The following SIM2 variants were observed in gnomAD, a reference collection of about 807,000 sequenced individuals.
SIM2 encodes single-minded homolog 2.
A neutral mutation model predicts 64.8 loss-of-function variants in SIM2; 28 were observed. The observed-to-expected ratio is 0.43, with a 90% CI of 0.32 to 0.59. The LOEUF (loss-of-function observed/expected upper bound fraction) is 0.59. SIM2 is among the 20% of genes least tolerant of loss of function. SIM2 has a pLI of 0.07. For missense variants in SIM2, 847 were observed against 871.4 expected (o/e 0.97, Z 0.35); for synonymous variants, 408 against 391.1 (o/e 1.04, Z -0.51).
Position 36,726,366 on chromosome 21 carries a change from G to C in SIM2, c.743+48G>C, listed in dbSNP as rs765379633. ...TGGCTGTGGCCTTCTGGAAGACACC[G>C]GTGGTGGAAATGGGTCCCTGAAAGC... On this transcript the variant is annotated intron_variant, in intron 6 of 10. Coordinates refer to ENST00000290399, the MANE Select transcript of SIM2 (RefSeq NM_005069.6). This position sits in a 1 kb window ranked among gnomAD's most constrained non-coding sequence, Gnocchi z 4.5. 2.6e-6 allele frequency: 4 copies of C among 1,543,948 alleles called. No homozygotes were observed. Among genetic ancestry groups the C allele is most frequent in the Non-Finnish European group, 3.5e-6 (4 of 1,130,604 alleles).
chr21:36,749,533 T>C lies in SIM2; in HGVS notation c.*1441T>C, dbSNP rs2089303516. 6.6e-6 allele frequency: 1 copy of C among 151,002 alleles called. No individual in the cohort carries two copies. The highest frequency in any genetic ancestry group is 1.5e-5 in the Non-Finnish European group (1 of 67,884). 9.4% of individuals were successfully genotyped at this position (151,002 alleles called of 1,614,324 possible). A position where few individuals can be genotyped will look rare whatever the true frequency, so the allele number is the denominator to read the frequency against. On this transcript the variant is annotated 3_prime_UTR_variant, in exon 11 of 11. Transcript: ENST00000290399. ...ACAGGGTGTCTGTCAGTGGGCCTCA[T>C]GGTAAGAGTCACAATTTGCAAATTT...
At position 36,747,678 on chromosome 21, in the gene SIM2, C is replaced by T. The variant is rs571869194; in HGVS notation, c.1590C>T (p.Ala530=). The change falls in exon 11 of 11, where the codon GCC becomes GCT. Residue 530 remains alanine (A), a synonymous_variant. Transcript: ENST00000290399. This position sits in a 1 kb window ranked among gnomAD's most constrained non-coding sequence, Gnocchi z 4.5. ...LVPSYEAPAA[A]VRRFGEDTAP... is the part of the protein sequence containing the mutation. ...CTGTCCCCGCAGCGCCCGCCGCCGC[C>T]GTGCGCAGGTTCGGCGAGGACACCG... is the stretch of plus-strand genomic sequence containing the variant. The T allele has an allele frequency of 7.9e-7, 1 of 1,265,810 alleles. No individual in the cohort carries two copies. The highest frequency in any genetic ancestry group is 2.7e-5 in the South Asian group (1 of 37,298). 78.4% of individuals were successfully genotyped at this position (1,265,810 alleles called of 1,614,324 possible).
At chr21:36,734,542 T>C (rs573794941) in intron 7 of SIM2, among the ~76,000 whole-genome samples, 3 of 151,402 alleles carry the variant, frequency 2.0e-5, no homozygotes, top group African/African-American at 7.3e-5. Context: ...GGTGGGTTGG[T>C]GTGGTCTTGG....
rs112084443 is a variant in SIM2, at chr21:36,727,101, G to A, written c.743+783G>A. On this transcript the variant is annotated intron_variant, in intron 6 of 10. Coordinates refer to ENST00000290399, the MANE Select transcript of SIM2 (RefSeq NM_005069.6). ...TGCCCAGGCTGGAATGCAATGGTGC[G>A]ATCTCAGCTCACTGCAACCTCTGCC... Among the ~76,000 whole-genome samples the A allele has an allele frequency of 1.3e-3, 198 of 152,218 alleles. 2 individuals are homozygous for A. Among genetic ancestry groups the A allele is most frequent in the South Asian group, 3.7e-3 (18 of 4,814 alleles).
chr21:36,709,523 CCT>C (rs1388201932), intron 2 of SIM2: 13 of 614,300 alleles, frequency 2.1e-5, no homozygotes, highest in Non-Finnish European at 3.9e-5. Context: ...GCCAGGGGCG[CCT>C]CCCGAGCGTG....
At chr21:36,701,031 G>A (rs1362469405) in intron 1 of SIM2, among the ~76,000 whole-genome samples, 1 of 152,214 alleles carries the variant, frequency 6.6e-6, no homozygotes, top group Non-Finnish European at 1.5e-5. Context: ...CAAGCGTTCC[G>A]GGCCGCGTCT....
chr21:36,722,579 AAGTG>A (rs2123456632), intron 4 of SIM2, among the ~76,000 whole-genome samples: 1 of 152,290 alleles, frequency 6.6e-6, no homozygotes, highest in East Asian at 1.9e-4. Flanking sequence ...TGCAAAAGCA[AAGTG>A]AGTGAGTGGG....
intron 6 of SIM2, among the ~76,000 whole-genome samples, chr21:36,727,217 T>C (rs550639967): frequency 6.6e-6 from 1 of 152,144 alleles, no homozygotes; most frequent in Non-Finnish European, 1.5e-5. Flanking sequence ...GTATTTTTAG[T>C]AGAGATGCGG....
intron 7 of SIM2, among the ~76,000 whole-genome samples, chr21:36,738,500 C>T (rs1019363945): frequency 5.9e-5 from 9 of 152,172 alleles, no homozygotes; most frequent in South Asian, 4.2e-4. Context: ...GCCAAGACTC[C>T]GTCTCCAAAA....
Position 36,745,352 on chromosome 21 carries a change from T to G in SIM2, c.1576+216T>G. 2.1e-6 allele frequency: 3 copies of G among 1,428,114 alleles called. No homozygotes were observed. The highest frequency in any genetic ancestry group is 2.8e-6 in the Non-Finnish European group (3 of 1,084,710). The allele number at this position is 1,428,114 out of a possible 1,614,324, so 88.5% of individuals were successfully genotyped here. On this transcript the variant is annotated intron_variant, in intron 10 of 10. Coordinates refer to ENST00000290399, the MANE Select transcript of SIM2 (RefSeq NM_005069.6). This position sits in a 1 kb window ranked among gnomAD's most constrained non-coding sequence, Gnocchi z 4.8. ...GGCAGTCTGCCTGCCTCGGGGACAC[T>G]AGTGACAGTATAAAGGGCAAAGGAA...
rs1291791918 is a variant in SIM2, at chr21:36,748,227, C to A, written c.*135C>A. 2 of 433,020 alleles carry A rather than the reference C, an allele frequency of 4.6e-6. No individual in the cohort carries two copies. The highest frequency in any genetic ancestry group is 5.9e-5 in the Admixed American group (1 of 16,828). 26.8% of individuals were successfully genotyped at this position (433,020 alleles called of 1,614,324 possible). ...TGAATTGGACCCCGCCGCCGACTTG[C>A]GGATTTCCACCGCGGAGGCCCCGCG... On this transcript the variant is annotated 3_prime_UTR_variant, in exon 11 of 11. Coordinates refer to ENST00000290399, the MANE Select transcript of SIM2 (RefSeq NM_005069.6).
intron 7 of SIM2, among the ~76,000 whole-genome samples, chr21:36,733,807 C>T (rs898454119): frequency 8.6e-5 from 13 of 152,010 alleles, no homozygotes; most frequent in East Asian, 5.8e-4. Context: ...GTGATCCGCC[C>T]GCCTCGGCCT....
intron 1 of SIM2, among the ~76,000 whole-genome samples, chr21:36,705,517 C>T (rs993128255): frequency 6.6e-6 from 1 of 152,172 alleles, no homozygotes; most frequent in South Asian, 2.1e-4. Flanking sequence ...GATGGCAGCC[C>T]GGCAAACACT....
chr21:36,707,659 G>A (rs1373174417), intron 1 of SIM2, among the ~76,000 whole-genome samples: 1 of 151,922 alleles, frequency 6.6e-6, no homozygotes, highest in Non-Finnish European at 1.5e-5. Flanking sequence ...GCTGCCCTGG[G>A]CCGAGGTGCA....
chr21:36,733,574 T>C (rs1462265309), intron 7 of SIM2, among the ~76,000 whole-genome samples: 1 of 151,290 alleles, frequency 6.6e-6, no homozygotes, highest in Non-Finnish European at 1.5e-5. Flanking sequence ...TTTTTTTTTT[T>C]TTTCAGACAG....
intron 4 of SIM2, 139 bp downstream of exon 4, chr21:36,720,068 C>T (rs1277249710): frequency 6.4e-6 from 4 of 629,042 alleles, no homozygotes; most frequent in Non-Finnish European, 1.1e-5. Context: ...CTCCAATACA[C>T]ACACAGCACC....
chr21:36,723,985 C>T (rs1351899068), intron 5 of SIM2, among the ~76,000 whole-genome samples: 1 of 152,204 alleles, frequency 6.6e-6, no homozygotes, highest in Non-Finnish European at 1.5e-5. Flanking sequence ...ACATCATAAC[C>T]CATCAATATG....
chr21:36,725,470 A>G (rs2088877910), intron 5 of SIM2, among the ~76,000 whole-genome samples: 1 of 152,216 alleles, frequency 6.6e-6, no homozygotes. Flanking sequence ...ACTGTGGAAC[A>G]AATGGTTGGC....
rs938574284 is a variant in SIM2, at chr21:36,726,350, C to T, written c.743+32C>T. On this transcript the variant is annotated intron_variant, in intron 6 of 10. Coordinates refer to ENST00000290399, the MANE Select transcript of SIM2 (RefSeq NM_005069.6). The surrounding 1 kb of genome is among the most constrained non-coding windows in gnomAD (Gnocchi z 4.5). ...TCGGCACCTGCCACAGTGGCTGTGG[C>T]CTTCTGGAAGACACCGGTGGTGGAA... The T allele has an allele frequency of 6.3e-7, 1 of 1,592,096 alleles. No homozygotes were observed. The highest frequency in any genetic ancestry group is 1.7e-5 in the Admixed American group (1 of 58,252).
Sources: allele counts gnomAD v4.1 joint callset (sites outside exome capture counted in the v4.1 genomes callset), GRCh38; gene constraint gnomAD v4.1.1; non-coding constraint Gnocchi (gnomAD v3.1); transcripts MANE v1.5; gene names NCBI Gene and HGNC (gene_info 2026-07-23, HGNC 2026-07-21).